SDCCAG8: variants seen among roughly 807,000 people sequenced by gnomAD.
SDCCAG8 encodes serologically defined colon cancer antigen 8.
SDCCAG8 carries 74 observed loss-of-function variants against 101.8 expected under a neutral mutation model. The ratio of observed to expected loss-of-function variants is 0.73; its 90% CI spans 0.60 to 0.88. The LOEUF is 0.88. SDCCAG8 is among the 40% of genes least tolerant of loss of function. The pLI, the probability that SDCCAG8 is intolerant of heterozygous loss-of-function variation, is 0.00. For missense variants in SDCCAG8, 787 were observed against 822.6 expected, an observed-to-expected ratio of 0.96 and a Z score of 0.53; for synonymous variants, 281 against 292.9, an observed-to-expected ratio of 0.96 and a Z score of 0.41.
chr1:243,448,341 T>C (rs1452178648), intron 16 of SDCCAG8, among the ~76,000 whole-genome samples: 1 of 152,226 alleles, frequency 6.6e-6, no homozygotes, highest in East Asian at 1.9e-4. Flanking sequence ...TCCGTTCTTC[T>C]CAGGAATCTA....
chr1:243,443,834 C>G (rs2082710676), intron 16 of SDCCAG8, among the ~76,000 whole-genome samples: 1 of 152,102 alleles, frequency 6.6e-6, no homozygotes, highest in Admixed American at 6.5e-5. Flanking sequence ...CTTCCTTCCT[C>G]TTCAGTATTA....
intron 13 of SDCCAG8, among the ~76,000 whole-genome samples, chr1:243,389,671 G>A (rs192505381): frequency 6.6e-6 from 1 of 152,170 alleles, no homozygotes; most frequent in Admixed American, 6.5e-5. Context: ...AAACAAATAT[G>A]CTGATCATTT....
chr1:243,266,991 C>A (rs1035724179), intron 1 of SDCCAG8, among the ~76,000 whole-genome samples: 2 of 147,576 alleles, frequency 1.4e-5, no homozygotes, highest in African/African-American at 2.5e-5. Flanking sequence ...ACGCTTGTAA[C>A]CCCAGCACTT....
intron 9 of SDCCAG8, among the ~76,000 whole-genome samples, chr1:243,328,503 C>G (rs2074371750): frequency 6.6e-6 from 1 of 152,002 alleles, no homozygotes; most frequent in South Asian, 2.1e-4. Context: ...TCTCAACCTC[C>G]TGACCTCAAG....
chr1:243,453,820 T>C (rs2083541190), intron 16 of SDCCAG8, among the ~76,000 whole-genome samples: 1 of 152,226 alleles, frequency 6.6e-6, no homozygotes, highest in Non-Finnish European at 1.5e-5. Flanking sequence ...TTCAGCTCAG[T>C]GTGTAGTATT....
intron 13 of SDCCAG8, among the ~76,000 whole-genome samples, chr1:243,413,316 A>G (rs1273033662): frequency 6.6e-6 from 1 of 151,982 alleles, no homozygotes; most frequent in African/African-American, 2.4e-5. Flanking sequence ...AGTGATTCTG[A>G]TGCCTCAGCC....
chr1:243,414,870 T>TGTGTGTGTGC (rs2080456371), intron 13 of SDCCAG8, among the ~76,000 whole-genome samples: 1 of 151,050 alleles, frequency 6.6e-6, no homozygotes, highest in African/African-American at 2.5e-5. Flanking sequence ...TGTGTGTGTG[T>TGTGTGTGTGC]GTGTGCACAT....
chr1:243,434,926 A>G (rs941916700), intron 16 of SDCCAG8, among the ~76,000 whole-genome samples: 4 of 152,198 alleles, frequency 2.6e-5, no homozygotes, highest in Non-Finnish European at 5.9e-5. Context: ...TAAGTGGGAA[A>G]AGGAGGCAAC....
chr1:243,428,359 C>T (rs1361042762), intron 16 of SDCCAG8, among the ~76,000 whole-genome samples: 2 of 152,200 alleles, frequency 1.3e-5, no homozygotes, highest in Admixed American at 6.5e-5. Flanking sequence ...ATATAGTTCC[C>T]ACTCTAATGG....
At chr1:243,403,051 A>G (rs1387680731) in intron 13 of SDCCAG8, among the ~76,000 whole-genome samples, 1 of 152,262 alleles carries the variant, frequency 6.6e-6, no homozygotes, top group Non-Finnish European at 1.5e-5. Context: ...TTAAATAACT[A>G]GATGCCGATC....
intron 16 of SDCCAG8, among the ~76,000 whole-genome samples, chr1:243,459,805 A>G (rs189307413): frequency 1.2e-3 from 184 of 152,224 alleles, no homozygotes; most frequent in African/African-American, 4.4e-3. Flanking sequence ...AGGTCTCACT[A>G]CATTGCCCAG....
chr1:243,462,824 T>C (rs564425755), intron 16 of SDCCAG8, among the ~76,000 whole-genome samples: 2 of 152,098 alleles, frequency 1.3e-5, no homozygotes, highest in African/African-American at 4.8e-5. Context: ...CACCAAGATA[T>C]TTGCCTTCTC....
chr1:243,294,526 A>AGAGAGAGAGAGAGAGAG (rs1553298249), intron 6 of SDCCAG8, among the ~76,000 whole-genome samples: 36 of 147,520 alleles, frequency 2.4e-4, no homozygotes, highest in South Asian at 8.8e-4. Flanking sequence ...AGAGAGAGAG[A>AGAGAGAGAGAGAGAGAG]ACAACCCACC....
At chr1:243,289,021 A>G (rs191209910) in intron 5 of SDCCAG8, among the ~76,000 whole-genome samples, 2,542 of 152,044 alleles carry the variant, frequency 0.017, 45 homozygotes, top group Middle Eastern at 0.048. Context: ...AAAAAAAAAA[A>G]AGATAATTGA....
chr1:243,436,298 A>G (rs768782721), intron 16 of SDCCAG8, among the ~76,000 whole-genome samples: 2 of 150,402 alleles, frequency 1.3e-5, no homozygotes, highest in Non-Finnish European at 2.9e-5. Flanking sequence ...TTGGTGTTGT[A>G]GCTATTGTCC....
At chr1:243,429,891 C>G (rs1030041967) in intron 16 of SDCCAG8, among the ~76,000 whole-genome samples, 1 of 151,886 alleles carries the variant, frequency 6.6e-6, no homozygotes, top group Non-Finnish European at 1.5e-5. Flanking sequence ...TTAGTAGAGA[C>G]AGGGTTTCCC....
At chr1:243,404,155 G>A (rs1356930550) in intron 13 of SDCCAG8, among the ~76,000 whole-genome samples, 1 of 152,190 alleles carries the variant, frequency 6.6e-6, no homozygotes, top group Non-Finnish European at 1.5e-5. Flanking sequence ...TTGTTTTTAG[G>A]GGTATTTTAG....
intron 8 of SDCCAG8, among the ~76,000 whole-genome samples, chr1:243,309,569 A>G (rs2072508556): frequency 6.6e-6 from 1 of 152,172 alleles, no homozygotes; most frequent in African/African-American, 2.4e-5. Flanking sequence ...TAATGGCACA[A>G]TCATAGCTCA....
intron 1 of SDCCAG8, chr1:243,267,660 A>G: frequency 1.3e-6 from 1 of 762,152 alleles, no homozygotes; most frequent in East Asian, 2.5e-5. Context: ...ACTTACACAC[A>G]CTTAGGCTGA....
Sources: gnomAD v4.1 joint callset for allele counts (sites outside exome capture counted in the v4.1 genomes callset) on GRCh38, gnomAD v4.1.1 for gene constraint, MANE v1.5 for transcripts, NCBI Gene and HGNC (gene_info 2026-07-23, HGNC 2026-07-21) for gene names.